Variants in MYO3B observed in about 807,000 individuals in gnomAD.
MYO3B encodes the protein myosin IIIB, also known as myosin-IIIb.
In MYO3B, 156 loss-of-function variants were observed where a neutral mutation model predicts 174.6. That is an observed-to-expected ratio of 0.89 (90% CI 0.78 to 1.02). The LOEUF is 1.02. Ranked by LOEUF, MYO3B falls within the 50% of genes least tolerant of loss-of-function variation. The pLI is 0.00. For synonymous variants in MYO3B, 563 were observed against 569.1 expected, an observed-to-expected ratio of 0.99 and a Z score of 0.15; for missense variants, 1,632 against 1,639.4, an observed-to-expected ratio of 1.00 and a Z score of 0.08.
chr2:170,427,446 C>T (rs926596824), intron 22 of MYO3B, among the ~76,000 whole-genome samples: 3 of 152,200 alleles, frequency 2.0e-5, no homozygotes, highest in African/African-American at 7.2e-5. Context: ...CATTCTTTAA[C>T]ACCATGAAAC....
chr2:170,575,337 G>A (rs1360113816), intron 32 of MYO3B, among the ~76,000 whole-genome samples: 1 of 151,762 alleles, frequency 6.6e-6, no homozygotes, highest in Non-Finnish European at 1.5e-5. Context: ...CTCTATCAGG[G>A]GTCAGCAAAT....
chr2:170,574,151 A>G (rs1692639465), intron 32 of MYO3B, among the ~76,000 whole-genome samples: 1 of 152,200 alleles, frequency 6.6e-6, no homozygotes, highest in South Asian at 2.1e-4. Context: ...TATTGTGTTC[A>G]TTTACTAAAG....
At chr2:170,461,487 A>AAAAG (rs1235580972) in intron 23 of MYO3B, among the ~76,000 whole-genome samples, 7 of 143,330 alleles carry the variant, frequency 4.9e-5, no homozygotes, top group African/African-American at 1.9e-4. Context: ...AAAAAAAAAA[A>AAAAG]GGGCTGGGCC....
chr2:170,623,651 G>A (rs1195472458), intron 32 of MYO3B, among the ~76,000 whole-genome samples: 1 of 152,164 alleles, frequency 6.6e-6, no homozygotes, highest in Non-Finnish European at 1.5e-5. Context: ...CTTTGCCCAT[G>A]CCTCTATCCT....
intron 5 of MYO3B, among the ~76,000 whole-genome samples, chr2:170,216,683 G>T (rs540671037): frequency 2.0e-5 from 3 of 152,226 alleles, no homozygotes; most frequent in Non-Finnish European, 4.4e-5. Flanking sequence ...GCAAGATAAG[G>T]CACTGAAATC....
At chr2:170,347,506 G>T (rs899263981) in intron 8 of MYO3B, among the ~76,000 whole-genome samples, 10 of 152,144 alleles carry the variant, frequency 6.6e-5, no homozygotes, top group Non-Finnish European at 1.2e-4. Context: ...GGAGGCTGAG[G>T]CATGAGAATC....
At chr2:170,387,362 C>T in intron 14 of MYO3B, 54 bp downstream of exon 14, 1 of 1,536,358 alleles carries the variant, frequency 6.5e-7, no homozygotes, top group Non-Finnish European at 9.0e-7. Flanking sequence ...AACTGGGAGA[C>T]TTTGGAAATT....
chr2:170,410,335 G>A (rs2094537184), intron 22 of MYO3B, among the ~76,000 whole-genome samples: 1 of 152,096 alleles, frequency 6.6e-6, no homozygotes, highest in Admixed American at 6.5e-5. Context: ...GGAGGCCGAG[G>A]CAGGCGGATC....
intron 6 of MYO3B, among the ~76,000 whole-genome samples, chr2:170,220,352 C>T (rs753384188): frequency 3.7e-4 from 56 of 151,828 alleles, no homozygotes; most frequent in African/African-American, 4.8e-4. Context: ...GAGTGTTGAC[C>T]GGGAGCGGTG....
At position 170,357,966 on chromosome 2, in the gene MYO3B, A is replaced by G. The variant is rs534036000; in HGVS notation, c.816-11256A>G. On this transcript the variant is annotated intron_variant, in intron 8 of 34. Transcript: ENST00000408978. ...TCGGGAGTTCGAGACCAGGCTGACC[A>G]ACATGGAGAAACTCCGTCTCTACTA... Among the ~76,000 whole-genome samples the G allele has an allele frequency of 3.5e-3, 529 of 152,222 alleles. 2 individuals carry two copies. The highest frequency in any genetic ancestry group is 8.2e-3 in the Admixed American group (126 of 15,298).
At chr2:170,589,235 G>A (rs1053442785) in intron 32 of MYO3B, among the ~76,000 whole-genome samples, 33 of 152,182 alleles carry the variant, frequency 2.2e-4, no homozygotes, top group African/African-American at 7.7e-4. Flanking sequence ...CGATAATACA[G>A]AGGATGTTCG....
intron 1 of MYO3B, among the ~76,000 whole-genome samples, chr2:170,183,559 G>C (rs1226982150): frequency 6.6e-6 from 1 of 152,022 alleles, no homozygotes. Flanking sequence ...TTTATACTCA[G>C]CTCCTCAATG....
chr2:170,491,859 G>A (rs148999954), intron 25 of MYO3B, among the ~76,000 whole-genome samples: 5 of 152,138 alleles, frequency 3.3e-5, no homozygotes, highest in Admixed American at 1.3e-4. Flanking sequence ...TTCAAGACCA[G>A]CCTGGTCAAT....
intron 32 of MYO3B, among the ~76,000 whole-genome samples, chr2:170,585,165 G>A (rs1418422538): frequency 4.6e-5 from 7 of 152,192 alleles, no homozygotes; most frequent in Non-Finnish European, 2.9e-5. Context: ...AGCCAAGGTT[G>A]AAAATTACTG....
chr2:170,214,700 T>C, intron 4 of MYO3B, 29 bp from the exon 5 acceptor site: 2 of 1,581,744 alleles, frequency 1.3e-6, no homozygotes, highest in Non-Finnish European at 1.7e-6. Flanking sequence ...CTCTTTCCTG[T>C]TGTTTGGTGG....
At chr2:170,409,928 A>G (rs6728783) in intron 22 of MYO3B, among the ~76,000 whole-genome samples, 70,659 of 152,064 alleles carry the variant, frequency 0.46, 16,653 homozygotes, top group Admixed American at 0.58. Flanking sequence ...TTTGGGGGTT[A>G]TTATGTTACA....
At chr2:170,314,429 C>T (rs1160567337) in intron 7 of MYO3B, among the ~76,000 whole-genome samples, 3 of 152,182 alleles carry the variant, frequency 2.0e-5, no homozygotes, top group Non-Finnish European at 2.9e-5. Context: ...TGCAGCCATA[C>T]TAGGGTGCCA....
chr2:170,413,961 A>G (rs537857665), intron 22 of MYO3B, among the ~76,000 whole-genome samples: 3 of 151,888 alleles, frequency 2.0e-5, no homozygotes, highest in Non-Finnish European at 4.4e-5. Context: ...AATCGCATGA[A>G]CCTGGGAGGC....
chr2:170,407,104 A>G (rs1561394), intron 21 of MYO3B, among the ~76,000 whole-genome samples: 135,495 of 152,218 alleles, frequency 0.89, 61,020 homozygotes, highest in East Asian at 0.97. Flanking sequence ...TGCTTTGCAC[A>G]TGGTATCTAA....
Sources: gnomAD v4.1 joint callset for allele counts (sites outside exome capture counted in the v4.1 genomes callset) on GRCh38, gnomAD v4.1.1 for gene constraint, MANE v1.5 for transcripts, NCBI Gene and HGNC (gene_info 2026-07-23, HGNC 2026-07-21) for gene names.